HIKESHI: variants seen among roughly 807,000 people sequenced by gnomAD.
HIKESHI encodes the protein protein Hikeshi.
In HIKESHI, 13 loss-of-function variants were observed where a neutral mutation model predicts 25.7. That is an observed-to-expected ratio of 0.51 (90% CI 0.33 to 0.80). The LOEUF is 0.80. Among genes scored for constraint, HIKESHI ranks in the 30% least tolerant of loss-of-function variants. HIKESHI has a pLI of 0.02. For missense variants in HIKESHI, 174 were observed against 229.5 expected (o/e 0.76, Z 1.56); for synonymous variants, 76 against 78.7 (o/e 0.97, Z 0.18).
chr11:86,327,753 C>A (rs1322995462), intron 2 of HIKESHI, among the ~76,000 whole-genome samples: 1 of 152,090 alleles, frequency 6.6e-6, no homozygotes, highest in Non-Finnish European at 1.5e-5. Context: ...ACTTTAATTC[C>A]CTATTAATGG....
rs1201070993 is a variant in HIKESHI, at chr11:86,302,380, G to C, written c.-69G>C. On this transcript the variant is annotated 5_prime_UTR_variant, in exon 1 of 5. Transcript: ENST00000278483. ...TCTGGAAGGTTCTTAGTCTCGACTA[G>C]GGCAGTAGCCCCAGGACTCCTAGTC... is the stretch of plus-strand genomic sequence containing the variant. 6.5e-7 allele frequency: 1 copy of C among 1,543,110 alleles called. No homozygotes were observed. Among genetic ancestry groups the C allele is most frequent in the African/African-American group, 1.4e-5 (1 of 72,920 alleles).
intron 3 of HIKESHI, among the ~76,000 whole-genome samples, chr11:86,340,468 A>T (rs1021117788): frequency 6.6e-6 from 1 of 152,092 alleles, no homozygotes; most frequent in Non-Finnish European, 1.5e-5. Flanking sequence ...ATGGTATCTC[A>T]CTGTGGTTTT....
At chr11:86,323,178 C>A (rs1042229172) in intron 2 of HIKESHI, among the ~76,000 whole-genome samples, 1 of 151,874 alleles carries the variant, frequency 6.6e-6, no homozygotes, top group Non-Finnish European at 1.5e-5. Flanking sequence ...TTACAGTGAT[C>A]TGCAATCATA....
chr11:86,329,162 T>G (rs1947359319), intron 2 of HIKESHI, among the ~76,000 whole-genome samples: 2 of 147,044 alleles, frequency 1.4e-5, no homozygotes, highest in Non-Finnish European at 3.0e-5. Flanking sequence ...GATTTTCATC[T>G]TTATTTAAAA....
At chr11:86,311,157 C>G (rs1258318426) in intron 2 of HIKESHI, among the ~76,000 whole-genome samples, 1 of 152,086 alleles carries the variant, frequency 6.6e-6, no homozygotes, top group Non-Finnish European at 1.5e-5. Flanking sequence ...CTTTGTACCT[C>G]TGGTAGAATT....
chr11:86,308,632 C>T (rs1231153016), intron 2 of HIKESHI, among the ~76,000 whole-genome samples: 1 of 150,020 alleles, frequency 6.7e-6, no homozygotes, highest in East Asian at 2.0e-4. Flanking sequence ...AGGTTCATTA[C>T]ATATGTATAC....
chr11:86,306,065 T>A (rs1371758188), intron 1 of HIKESHI, among the ~76,000 whole-genome samples, 180 bp from the exon 2 acceptor site: 1 of 152,150 alleles, frequency 6.6e-6, no homozygotes, highest in East Asian at 1.9e-4. Flanking sequence ...TTTTAGAAGA[T>A]TGCATTTAGT....
At chr11:86,307,340 T>TATATCAAACATATATTATGTGTAATATAC (rs1452509588) in intron 2 of HIKESHI, among the ~76,000 whole-genome samples, 1 of 49,830 alleles carries the variant, frequency 2.0e-5, no homozygotes, top group African/African-American at 7.0e-5. Context: ...TAATATACAT[T>TATATCAAACATATATTATGTGTAATATAC]ATATATCAAA....
At chr11:86,319,454 G>C (rs1229596447) in intron 2 of HIKESHI, among the ~76,000 whole-genome samples, 1 of 149,630 alleles carries the variant, frequency 6.7e-6, no homozygotes, top group East Asian at 2.0e-4. Context: ...ATGGGGTTTT[G>C]CCATGCTGCC....
intron 2 of HIKESHI, among the ~76,000 whole-genome samples, chr11:86,307,874 T>C (rs1218720725): frequency 7.8e-6 from 1 of 127,816 alleles, no homozygotes; most frequent in Non-Finnish European, 1.5e-5. Flanking sequence ...ATATAAAATA[T>C]ATATTATGTG....
At chr11:86,338,643 C>T (rs148756349) in intron 3 of HIKESHI, among the ~76,000 whole-genome samples, 2 of 152,276 alleles carry the variant, frequency 1.3e-5, no homozygotes, top group African/African-American at 2.4e-5. Flanking sequence ...GTACCAGAGG[C>T]GCACTTTTGA....
chr11:86,341,458 G>T, intron 3 of HIKESHI, among the ~76,000 whole-genome samples: 1 of 148,940 alleles, frequency 6.7e-6, no homozygotes, highest in South Asian at 2.1e-4. Flanking sequence ...GTTTCAAATT[G>T]GTCTCGGAAA....
chr11:86,342,219 T>C (rs973331239), intron 3 of HIKESHI, among the ~76,000 whole-genome samples: 3 of 152,228 alleles, frequency 2.0e-5, no homozygotes, highest in African/African-American at 7.2e-5. Context: ...TTTGGCACTT[T>C]TTAAATTTAG....
intron 1 of HIKESHI, 28 bp downstream of exon 1, chr11:86,302,506 A>C: frequency 1.3e-6 from 2 of 1,555,768 alleles, no homozygotes; most frequent in African/African-American, 1.4e-5. Context: ...TGATATCAGG[A>C]AGGGGTCAGG....
At chr11:86,340,682 G>A (rs182122755) in intron 3 of HIKESHI, among the ~76,000 whole-genome samples, 1 of 152,278 alleles carries the variant, frequency 6.6e-6, no homozygotes, top group Non-Finnish European at 1.5e-5. Flanking sequence ...GTCTCACTCT[G>A]TTGCCCAGGC....
chr11:86,344,707 T>C lies in HIKESHI; in HGVS notation c.525T>C (p.Asn175=), dbSNP rs764895793. ...CATCTGAAATGTTCATTCCGGCAAA[T>C]GTGGTTCTGAAATGGTATGAGGCAT... The part of the protein sequence containing the change: ...PSPSEMFIPA[N]VVLKWYENFQ... Residue 175 remains asparagine (N), a synonymous_variant, in exon 4 of 5, where the codon AAT becomes AAC. Transcript: ENST00000278483. The C allele has an allele frequency of 4.4e-6, 7 of 1,605,960 alleles. No homozygotes were observed. Among genetic ancestry groups the C allele is most frequent in the Non-Finnish European group, 6.0e-6 (7 of 1,172,656 alleles).
Position 86,306,470 on chromosome 11 carries a change from G to A in HIKESHI, c.256G>A (p.Gly86Ser), listed in dbSNP as rs374767293. Reference sequence around the variant, plus strand: ...GCCAAGTGCCATCTTCAAAATTTCAGGTCTTAAATCTGGTAAGAATAATAT... The same window carrying A: ...GCCAAGTGCCATCTTCAAAATTTCAAGTCTTAAATCTGGTAAGAATAATAT... The part of the protein sequence containing the change: ...GKPSAIFKIS[G>S]LKSGEGSQHP... Residue 86 changes from glycine (G) to serine (S), a missense_variant, in exon 2 of 5, where the codon GGT (glycine) becomes AGT (serine). Gly to Ser is a moderately conservative substitution (Grantham distance 56). Transcript: ENST00000278483. 76 of 1,599,266 alleles carry A rather than the reference G, an allele frequency of 4.8e-5. No individual in the cohort carries two copies. The highest frequency in any genetic ancestry group is 6.3e-5 in the Non-Finnish European group (74 of 1,167,194).
At chr11:86,311,878 G>T (rs552766295) in intron 2 of HIKESHI, among the ~76,000 whole-genome samples, 2 of 152,174 alleles carry the variant, frequency 1.3e-5, no homozygotes, top group African/African-American at 2.4e-5. Flanking sequence ...TTTTGAGTGC[G>T]TTTCTTAATC....
intron 2 of HIKESHI, among the ~76,000 whole-genome samples, chr11:86,333,886 T>C (rs1232007904): frequency 6.6e-6 from 1 of 152,190 alleles, no homozygotes; most frequent in Non-Finnish European, 1.5e-5. Flanking sequence ...CTTCAACAAA[T>C]TATGAGCCGT....
Sources: allele counts gnomAD v4.1 joint callset (sites outside exome capture counted in the v4.1 genomes callset), GRCh38; gene constraint gnomAD v4.1.1; transcripts MANE v1.5; gene names NCBI Gene and HGNC (gene_info 2026-07-23, HGNC 2026-07-21).